Variants in GPM6A observed in about 807,000 individuals in gnomAD.
GPM6A encodes glycoprotein M6A, also known as neuronal membrane glycoprotein M6-a.
In GPM6A, 7 loss-of-function variants were observed where a neutral mutation model predicts 32.1. That is an observed-to-expected ratio of 0.22 (90% CI 0.12 to 0.41). The LOEUF is 0.41. GPM6A is among the 10% of genes least tolerant of loss of function. GPM6A has a pLI of 1.00. For synonymous variants in GPM6A, 130 were observed against 123.4 expected (o/e 1.05, Z -0.35); for missense variants, 235 against 347.2 (o/e 0.68, Z 2.57).
In GPM6A at chr4:175,637,320, ATATAT is replaced by A. The variant is rs1740757361; in HGVS notation, c.685-2268_685-2264del. On this transcript the variant is annotated intron_variant, in intron 6 of 6. Transcript: ENST00000393658. ...TATTATATATTATATATAATATAAA[ATATAT>A]ATTATATATTATATATTATATAAAA... Among the ~76,000 whole-genome samples, 6 of 42,668 alleles carry A rather than the reference ATATAT, an allele frequency of 1.4e-4. 1 individual carries two copies. Among genetic ancestry groups the A allele is most frequent in the Middle Eastern group, 0.036 (2 of 56 alleles). The allele number at this position is 42,668 out of a possible 152,430, so 28.0% of individuals were successfully genotyped here. A position where few individuals can be genotyped will look rare whatever the true frequency, so the allele number is the denominator to read the frequency against.
chr4:175,966,672 C>G, intron 1 of GPM6A, among the ~76,000 whole-genome samples: 1 of 151,900 alleles, frequency 6.6e-6, no homozygotes, highest in South Asian at 2.1e-4. Context: ...AGAACCAAAC[C>G]ATGCTGGCAT....
chr4:175,850,138 C>T (rs1374671062), intron 1 of GPM6A, among the ~76,000 whole-genome samples: 2 of 152,056 alleles, frequency 1.3e-5, no homozygotes, highest in African/African-American at 4.8e-5. Context: ...AAGAAGACAA[C>T]CTTCTTTCAT....
intron 3 of GPM6A, among the ~76,000 whole-genome samples, chr4:175,658,829 C>T (rs1046442756): frequency 9.2e-5 from 14 of 152,142 alleles, no homozygotes; most frequent in African/African-American, 3.4e-4. Flanking sequence ...TAAGTGTTCA[C>T]TGTGTGGTTT....
At chr4:175,855,489 C>T (rs1239682245) in intron 1 of GPM6A, among the ~76,000 whole-genome samples, 1 of 152,084 alleles carries the variant, frequency 6.6e-6, no homozygotes, top group African/African-American at 2.4e-5. Flanking sequence ...GAGTAAGGTG[C>T]TGAACGAAAT....
At chr4:175,767,164 A>G (rs1281718702) in intron 1 of GPM6A, among the ~76,000 whole-genome samples, 1 of 152,180 alleles carries the variant, frequency 6.6e-6, no homozygotes, top group Non-Finnish European at 1.5e-5. Context: ...CTGTTTAAAT[A>G]TTCAGTGGGC....
Position 175,913,958 on chromosome 4 carries a change from C to G in GPM6A, c.-23+88351G>C, listed in dbSNP as rs542887808. Among the ~76,000 whole-genome samples the G allele has an allele frequency of 3.3e-5, 5 of 152,180 alleles. No homozygotes were observed. In the South Asian group the frequency reaches 1.0e-3, roughly 32 times the overall value. ...TCATCAATTCCACGTGACTGTAAAC[C>G]AAAGAAGTGTCTGAGACAGGTCTCA... On this transcript the variant is annotated intron_variant, in intron 1 of 7. Coordinates refer to the GPM6A transcript ENST00000280187.
At chr4:175,644,824 A>T (rs2877885) in intron 4 of GPM6A, among the ~76,000 whole-genome samples, 108,059 of 152,032 alleles carry the variant, frequency 0.71, 41,188 homozygotes, top group Non-Finnish European at 0.85. Context: ...TAAGCAAGGG[A>T]GGCCAGGCGC....
chr4:175,666,139 C>G (rs113488298), intron 3 of GPM6A, among the ~76,000 whole-genome samples: 2 of 151,870 alleles, frequency 1.3e-5, no homozygotes, highest in Non-Finnish European at 2.9e-5. Flanking sequence ...AGGCTGGTCT[C>G]GATCTCCAGC....
intron 3 of GPM6A, chr4:175,654,338 C>T (rs536684195): frequency 3.9e-5 from 6 of 152,200 alleles, no homozygotes; most frequent in Non-Finnish European, 5.9e-5. Flanking sequence ...TTTATACTTC[C>T]GTTTCTGTTT....
chr4:175,761,243 C>T (rs1437432150), intron 1 of GPM6A, among the ~76,000 whole-genome samples: 2 of 152,140 alleles, frequency 1.3e-5, no homozygotes, highest in Non-Finnish European at 2.9e-5. Context: ...TCCTACCTCA[C>T]ACCACCATGT....
intron 1 of GPM6A, among the ~76,000 whole-genome samples, chr4:175,771,769 C>T (rs954961592): frequency 2.0e-5 from 3 of 152,022 alleles, no homozygotes; most frequent in South Asian, 2.1e-4. Context: ...AGGCATGGAG[C>T]GAGCAAATGA....
chr4:175,717,140 T>G (rs997402484), intron 1 of GPM6A, among the ~76,000 whole-genome samples: 2 of 152,134 alleles, frequency 1.3e-5, no homozygotes, highest in African/African-American at 4.8e-5. Flanking sequence ...CCCACTTGGC[T>G]CACTGCACAC....
chr4:175,735,620 T>A (rs1372964920), intron 1 of GPM6A, among the ~76,000 whole-genome samples: 54 of 151,734 alleles, frequency 3.6e-4, no homozygotes, highest in Admixed American at 3.5e-3. Flanking sequence ...AGTGCAGTGG[T>A]GTGATCTCAG....
At chr4:175,747,269 C>CA (rs5864346) in intron 1 of GPM6A, among the ~76,000 whole-genome samples, 6,092 of 108,952 alleles carry the variant, frequency 0.056, 294 homozygotes, top group African/African-American at 0.16. Context: ...ACTCCATCTC[C>CA]AAAAAAAAAA....
rs1398595226 is a variant in GPM6A at position 175,758,606 on chromosome 4, G to GT, written c.37+53584dup. 5.2e-4 allele frequency among the ~76,000 whole-genome samples: 79 copies of GT among 152,086 alleles called. 3 individuals are homozygous for GT. Among genetic ancestry groups the GT allele is most frequent in the Non-Finnish European group, 5.9e-5 (4 of 68,012 alleles). On this transcript the variant is annotated intron_variant, in intron 1 of 6. Coordinates refer to ENST00000393658, the MANE Select transcript of GPM6A (RefSeq NM_201591.3). ...TAGCAAATTAAATCTAAAAATGACC[G>GT]TTTTTTATAGATGCTAAAAGGAACA...
At chr4:175,714,605 C>A (rs1745739757) in intron 1 of GPM6A, among the ~76,000 whole-genome samples, 1 of 151,920 alleles carries the variant, frequency 6.6e-6, no homozygotes, top group South Asian at 2.1e-4. Flanking sequence ...TATGAAAGAG[C>A]TATAATTATA....
chr4:175,762,725 C>G (rs189527998), intron 1 of GPM6A, among the ~76,000 whole-genome samples: 269 of 152,242 alleles, frequency 1.8e-3, no homozygotes, highest in African/African-American at 5.9e-3. Flanking sequence ...ATTGGCCACA[C>G]GTGAAAATGC....
At chr4:175,677,883 T>C (rs1004065760) in intron 2 of GPM6A, among the ~76,000 whole-genome samples, 1 of 152,192 alleles carries the variant, frequency 6.6e-6, no homozygotes, top group Non-Finnish European at 1.5e-5. Context: ...TGCTAGTCCA[T>C]TGAATAATTC....
chr4:175,855,098 C>T (rs968827445), intron 1 of GPM6A, among the ~76,000 whole-genome samples: 1 of 152,068 alleles, frequency 6.6e-6, no homozygotes, highest in African/African-American at 2.4e-5. Context: ...TTAACTGCAT[C>T]CTGGAACATA....
Sources: gnomAD v4.1 joint callset for allele counts (sites outside exome capture counted in the v4.1 genomes callset) on GRCh38, gnomAD v4.1.1 for gene constraint, MANE v1.5 for transcripts, NCBI Gene and HGNC (gene_info 2026-07-23, HGNC 2026-07-21) for gene names.